Variants in LRP1B observed in about 807,000 individuals in gnomAD.
The protein encoded by LRP1B is LDL receptor related protein 1B.
Under a neutral mutation model 556.6 loss-of-function variants are expected in LRP1B, and 217 were observed. The observed-to-expected ratio is 0.39, with a 90% CI of 0.35 to 0.44. The LOEUF (loss-of-function observed/expected upper bound fraction) is 0.44, where lower values mean the gene tolerates loss of function less well. LRP1B is among the 20% of genes least tolerant of loss of function. The pLI is 1.00. For missense variants in LRP1B, 5,053 were observed against 5,620.8 expected (o/e 0.90, Z 3.23); for synonymous variants, 2,047 against 1,865.8 (o/e 1.10, Z -2.50).
intron 7 of LRP1B, among the ~76,000 whole-genome samples, chr2:141,175,160 G>C (rs72980139): frequency 1.3e-5 from 2 of 152,178 alleles, no homozygotes; most frequent in African/African-American, 4.8e-5. Flanking sequence ...TCTGAAAATG[G>C]AACTTATATT....
At chr2:141,315,839 A>T (rs1009800002) in intron 3 of LRP1B, among the ~76,000 whole-genome samples, 2 of 147,516 alleles carry the variant, frequency 1.4e-5, no homozygotes, top group Non-Finnish European at 3.0e-5. Context: ...AACTCAGAAA[A>T]TACCTCTGTA....
At chr2:141,412,458 C>A (rs897511952) in intron 3 of LRP1B, among the ~76,000 whole-genome samples, 3 of 152,132 alleles carry the variant, frequency 2.0e-5, no homozygotes, top group African/African-American at 7.2e-5. Context: ...AGCACATACT[C>A]ATCCAGGTAT....
At chr2:140,560,232 G>T (rs1051147540) in intron 43 of LRP1B, among the ~76,000 whole-genome samples, 1 of 152,082 alleles carries the variant, frequency 6.6e-6, no homozygotes, top group African/African-American at 2.4e-5. Flanking sequence ...GAGAAAGCAA[G>T]ACTGGGGTAA....
chr2:141,287,463 C>G (rs1685764824), intron 3 of LRP1B, among the ~76,000 whole-genome samples: 1 of 152,060 alleles, frequency 6.6e-6, no homozygotes, highest in African/African-American at 2.4e-5. Flanking sequence ...GCTGGGACTA[C>G]AGGTGCCCAC....
At chr2:141,031,698 AT>A (rs990880481) in intron 11 of LRP1B, among the ~76,000 whole-genome samples, 2 of 151,968 alleles carry the variant, frequency 1.3e-5, no homozygotes, top group African/African-American at 4.8e-5. Flanking sequence ...ATAAGACACC[AT>A]TTTATTCACG....
chr2:141,433,323 T>G (rs1185100549), intron 3 of LRP1B, among the ~76,000 whole-genome samples: 1 of 152,080 alleles, frequency 6.6e-6, no homozygotes, highest in African/African-American at 2.4e-5. Flanking sequence ...CATAGTCCTA[T>G]CCTAGAAAGT....
intron 1 of LRP1B, among the ~76,000 whole-genome samples, chr2:141,927,992 T>C (rs1464611655): frequency 6.6e-6 from 1 of 151,702 alleles, no homozygotes; most frequent in Non-Finnish European, 1.5e-5. Flanking sequence ...CCATCTACCA[T>C]GCATCCTTCA....
At chr2:141,275,529 C>A (rs1186114611) in intron 3 of LRP1B, among the ~76,000 whole-genome samples, 1 of 151,890 alleles carries the variant, frequency 6.6e-6, no homozygotes, top group Non-Finnish European at 1.5e-5. Context: ...GGCAACATGG[C>A]AAAACCCCAT....
At chr2:140,627,490 G>A (rs753758394) in intron 41 of LRP1B, among the ~76,000 whole-genome samples, 13 of 152,126 alleles carry the variant, frequency 8.5e-5, no homozygotes, top group Non-Finnish European at 1.3e-4. Context: ...TACACCAGTG[G>A]TTTGCCAGGG....
chr2:141,883,523 G>T (rs936328687), intron 1 of LRP1B, among the ~76,000 whole-genome samples: 13 of 152,060 alleles, frequency 8.5e-5, no homozygotes, highest in Non-Finnish European at 1.8e-4. Context: ...AATATTAAAT[G>T]TGATGAGCCA....
intron 41 of LRP1B, among the ~76,000 whole-genome samples, chr2:140,673,752 G>A (rs1414626224): frequency 3.3e-5 from 5 of 151,896 alleles, no homozygotes; most frequent in East Asian, 1.9e-4. Flanking sequence ...AAACTAGTTC[G>A]GGCCGTGACA....
intron 20 of LRP1B, among the ~76,000 whole-genome samples, chr2:140,930,300 A>G (rs1223811379): frequency 6.6e-6 from 1 of 152,138 alleles, no homozygotes; most frequent in Non-Finnish European, 1.5e-5. Flanking sequence ...ATTTAAACCA[A>G]GCATACAATT....
intron 1 of LRP1B, among the ~76,000 whole-genome samples, chr2:141,984,674 T>C (rs1438854382): frequency 6.6e-6 from 1 of 152,150 alleles, no homozygotes; most frequent in East Asian, 1.9e-4. Flanking sequence ...TTTTCTTAGT[T>C]ATAAAAATAC....
chr2:140,329,484 A>T (rs1423888940), intron 79 of LRP1B, among the ~76,000 whole-genome samples: 2 of 152,034 alleles, frequency 1.3e-5, no homozygotes, highest in African/African-American at 4.8e-5. Flanking sequence ...GTGTTCCTAT[A>T]TCTAGAAAAC....
At chr2:140,811,233 A>G (rs1306152455) in intron 32 of LRP1B, among the ~76,000 whole-genome samples, 1 of 152,170 alleles carries the variant, frequency 6.6e-6, no homozygotes, top group Non-Finnish European at 1.5e-5. Flanking sequence ...TATGGGCATT[A>G]CGATCTCATT....
chr2:141,722,121 T>A (rs1391254952), intron 2 of LRP1B, among the ~76,000 whole-genome samples: 2 of 152,198 alleles, frequency 1.3e-5, no homozygotes, highest in African/African-American at 4.8e-5. Flanking sequence ...CTCATGCCTC[T>A]AATCTCAGCA....
intron 7 of LRP1B, among the ~76,000 whole-genome samples, chr2:141,128,515 A>C (rs141568675): frequency 1.2e-4 from 18 of 152,302 alleles, no homozygotes; most frequent in Non-Finnish European, 2.5e-4. Flanking sequence ...GTTCTCCCTT[A>C]CTGTTCTTCC....
At chr2:140,952,695 A>G (rs1292821720) in intron 18 of LRP1B, among the ~76,000 whole-genome samples, 1 of 152,190 alleles carries the variant, frequency 6.6e-6, no homozygotes, top group African/African-American at 2.4e-5. Flanking sequence ...TTGAATATCA[A>G]TAAATCTAAA....
rs368753301 is a variant in LRP1B at position 140,392,510 on chromosome 2, T to C, written c.10415-6501A>G. On this transcript the variant is annotated intron_variant, in intron 66 of 90. Coordinates refer to ENST00000389484, the MANE Select transcript of LRP1B (RefSeq NM_018557.3). ...AATGCAACCTTTTTTTTTTTGGAGA[T>C]GGGATCTTGCTCTGTCACCCAGGCT... Among the ~76,000 whole-genome samples, 20 of 151,846 alleles carry C rather than the reference T, an allele frequency of 1.3e-4. No individual in the cohort carries two copies. In the East Asian group the frequency reaches 1.7e-3, roughly 13 times the overall value.
Sources: allele counts gnomAD v4.1 joint callset (sites outside exome capture counted in the v4.1 genomes callset), GRCh38; gene constraint gnomAD v4.1.1; transcripts MANE v1.5; gene names NCBI Gene and HGNC (gene_info 2026-07-23, HGNC 2026-07-21).